Variants in CD96 observed in about 807,000 individuals in gnomAD.
CD96 encodes the protein CD96 molecule.
CD96 carries 70 observed loss-of-function variants against 71.3 expected under a neutral mutation model. The observed-to-expected ratio is 0.98, with a 90% CI of 0.81 to 1.20. The LOEUF is 1.20. Among genes scored for constraint, CD96 ranks in the 50% most tolerant of loss-of-function variants. CD96 has a pLI of 0.00. For missense variants in CD96, 742 were observed against 677.5 expected, an observed-to-expected ratio of 1.10 and a Z score of -1.06; for synonymous variants, 248 against 233.0, an observed-to-expected ratio of 1.06 and a Z score of -0.59.
intron 12 of CD96, 106 bp downstream of exon 12, chr3:111,638,274 A>G (rs2107757987): frequency 1.3e-6 from 1 of 784,730 alleles, no homozygotes; most frequent in East Asian, 2.5e-5. Flanking sequence ...TTGGATATAC[A>G]GTGAACACAC....
chr3:111,581,110 A>G (rs1194776743), intron 4 of CD96, among the ~76,000 whole-genome samples: 1 of 151,784 alleles, frequency 6.6e-6, no homozygotes. Context: ...TTATCACCCT[A>G]TTGGATTCTA....
intron 2 of CD96, among the ~76,000 whole-genome samples, chr3:111,546,762 C>T (rs1934415852): frequency 6.6e-6 from 1 of 151,962 alleles, no homozygotes; most frequent in Admixed American, 6.6e-5. Flanking sequence ...GATTTATAGC[C>T]TCCTCTCCAT....
intron 8 of CD96, among the ~76,000 whole-genome samples, chr3:111,611,919 A>G (rs1196184483): frequency 6.6e-6 from 1 of 152,204 alleles, no homozygotes; most frequent in Non-Finnish European, 1.5e-5. Flanking sequence ...ACAGCCCAGC[A>G]TGTCTCCTTT....
chr3:111,547,631 TA>T (rs1219053348), intron 2 of CD96, among the ~76,000 whole-genome samples: 2 of 152,154 alleles, frequency 1.3e-5, no homozygotes, highest in African/African-American at 4.8e-5. Flanking sequence ...TTTCTTAAAA[TA>T]AAGAGAACCA....
chr3:111,564,005 C>G (rs1033080200), intron 2 of CD96, among the ~76,000 whole-genome samples: 3 of 152,064 alleles, frequency 2.0e-5, no homozygotes, highest in Admixed American at 6.6e-5. Flanking sequence ...CTATGTTACT[C>G]TATTGTTTTC....
intron 8 of CD96, chr3:111,612,958 G>A (rs1435432196): frequency 2.0e-5 from 4 of 200,432 alleles, no homozygotes; most frequent in African/African-American, 9.5e-5. Flanking sequence ...AATTCTCACT[G>A]TAGATATGAA....
chr3:111,554,549 C>T (rs1934889366), intron 2 of CD96, among the ~76,000 whole-genome samples: 1 of 151,878 alleles, frequency 6.6e-6, no homozygotes, highest in Non-Finnish European at 1.5e-5. Context: ...TCCTCTAAAC[C>T]ACTCTGTATT....
chr3:111,562,955 A>G (rs1248725334), intron 2 of CD96, among the ~76,000 whole-genome samples: 1 of 152,242 alleles, frequency 6.6e-6, no homozygotes, highest in Non-Finnish European at 1.5e-5. Context: ...ATAGACATTT[A>G]TCTTCTCACA....
chr3:111,564,497 G>A (rs371824925), intron 2 of CD96, among the ~76,000 whole-genome samples: 3 of 151,906 alleles, frequency 2.0e-5, no homozygotes, highest in South Asian at 2.1e-4. Context: ...ACCCTTTCTC[G>A]AATTTCGTTA....
At position 111,570,489 on chromosome 3, in the gene CD96, A is replaced by T. The variant is rs1436139902; in HGVS notation, c.543+2842A>T. ...TCTGGGCTCGTGGGTTAGGGGTCAC[A>T]GTGGAGCCACCAAGGTAGAAATCAC... On this transcript the variant is annotated intron_variant, in intron 3 of 13. Transcript: ENST00000352690. The T allele has an allele frequency of 6.7e-6, 5 of 751,506 alleles. No homozygotes were observed. The Admixed American group carries it at 1.1e-4, about 17-fold the overall frequency. The allele number at this position is 751,506 out of a possible 1,614,324, so 46.6% of individuals were successfully genotyped here. A position where few individuals can be genotyped will look rare whatever the true frequency, so the allele number is the denominator to read the frequency against.
intron 8 of CD96, among the ~76,000 whole-genome samples, chr3:111,616,697 G>A (rs868108808): frequency 5.3e-5 from 8 of 152,294 alleles, no homozygotes; most frequent in Middle Eastern, 3.4e-3. Context: ...TCATTCTGAT[G>A]GCAGCAGCTG....
At chr3:111,593,585 T>G (rs749397403) in intron 5 of CD96, 9 of 1,545,056 alleles carry the variant, frequency 5.8e-6, no homozygotes, top group African/African-American at 2.8e-5. Flanking sequence ...AGGCAGCTCT[T>G]TCTCCCGCTG....
intron 2 of CD96, among the ~76,000 whole-genome samples, chr3:111,559,036 G>A (rs1307418679): frequency 6.6e-6 from 1 of 152,178 alleles, no homozygotes; most frequent in African/African-American, 2.4e-5. Flanking sequence ...TTGTATTTCT[G>A]TGGGAAAGGT....
At chr3:111,594,516 G>A (rs1000296844) in intron 5 of CD96, 1 of 286,814 alleles carries the variant, frequency 3.5e-6, no homozygotes, top group East Asian at 6.5e-5. Flanking sequence ...GGGGTTCTCT[G>A]GTCCAACAAT....
At chr3:111,631,129 T>C (rs1939040746) in intron 10 of CD96, among the ~76,000 whole-genome samples, 1 of 152,194 alleles carries the variant, frequency 6.6e-6, no homozygotes, top group African/African-American at 2.4e-5. Context: ...CAACATAGTA[T>C]TGGAAGTTCT....
intron 12 of CD96, among the ~76,000 whole-genome samples, chr3:111,639,315 G>C (rs1011892281): frequency 1.3e-5 from 2 of 152,136 alleles, no homozygotes; most frequent in African/African-American, 4.8e-5. Flanking sequence ...AGAATGGCCT[G>C]TCAGTTTGTG....
intron 8 of CD96, among the ~76,000 whole-genome samples, chr3:111,608,700 C>T (rs1188988189): frequency 2.6e-5 from 4 of 152,122 alleles, no homozygotes; most frequent in Admixed American, 6.5e-5. Context: ...GAACAGGAAC[C>T]GTATTTGTTT....
intron 7 of CD96, among the ~76,000 whole-genome samples, chr3:111,605,371 G>A (rs778139955): frequency 1.3e-5 from 2 of 152,170 alleles, no homozygotes; most frequent in Non-Finnish European, 2.9e-5. Context: ...AGAGAATATT[G>A]TGTTTCAGAA....
chr3:111,565,946 A>G (rs1935686808), intron 2 of CD96, among the ~76,000 whole-genome samples: 1 of 151,328 alleles, frequency 6.6e-6, no homozygotes. Context: ...TATAACAAAG[A>G]TCTAAAGGCT....
Sources: allele counts gnomAD v4.1 joint callset (sites outside exome capture counted in the v4.1 genomes callset), GRCh38; gene constraint gnomAD v4.1.1; transcripts MANE v1.5; gene names NCBI Gene and HGNC (gene_info 2026-07-23, HGNC 2026-07-21).